The following SAMMSON variants were observed in gnomAD, a reference collection of about 807,000 sequenced individuals.
SAMMSON encodes long intergenic non-protein coding RNA 1212.
At chr3:70,042,672 T>G (rs913509915) in intron 3 of SAMMSON, among the ~76,000 whole-genome samples, 17 of 152,020 alleles carry the variant, frequency 1.1e-4, no homozygotes, top group Non-Finnish European at 2.9e-5. Flanking sequence ...CCTGTTTTGC[T>G]GCTTGTGAAG....
At chr3:70,193,752 TTTAC>T (rs1701149578) in intron 4 of SAMMSON, among the ~76,000 whole-genome samples, 1 of 152,190 alleles carries the variant, frequency 6.6e-6, no homozygotes, top group African/African-American at 2.4e-5. Context: ...GTCAAACAAC[TTTAC>T]TTAAGTTTAC....
intron 9 of SAMMSON, among the ~76,000 whole-genome samples, chr3:70,364,917 A>G (rs1702908342): frequency 6.6e-6 from 1 of 151,692 alleles, no homozygotes; most frequent in South Asian, 2.1e-4. Flanking sequence ...TCTACTATAA[A>G]TCCCGCATCT....
chr3:70,272,244 T>G (rs1232652249), intron 6 of SAMMSON: 1 of 152,198 alleles, frequency 6.6e-6, no homozygotes, highest in African/African-American at 2.4e-5. Flanking sequence ...GAAAAATATT[T>G]CTATCTCCCC....
intron 6 of SAMMSON, among the ~76,000 whole-genome samples, chr3:70,270,850 C>A (rs1323232538): frequency 1.3e-5 from 2 of 151,910 alleles, no homozygotes; most frequent in South Asian, 2.1e-4. Context: ...CACATGGACA[C>A]AGGGAGGGGA....
At chr3:70,377,861 A>G (rs1289432961) in intron 9 of SAMMSON, among the ~76,000 whole-genome samples, 1 of 152,040 alleles carries the variant, frequency 6.6e-6, no homozygotes, top group Non-Finnish European at 1.5e-5. Context: ...CAAAAGGCTA[A>G]TAAACACATG....
intron 1 of SAMMSON, among the ~76,000 whole-genome samples, chr3:70,000,925 T>A (rs1158471249): frequency 1.3e-5 from 2 of 152,190 alleles, no homozygotes; most frequent in South Asian, 2.1e-4. Flanking sequence ...AACCCTTGAC[T>A]ATTTATCTTG....
chr3:70,045,586 T>G (rs182585440), intron 3 of SAMMSON, among the ~76,000 whole-genome samples: 2 of 152,136 alleles, frequency 1.3e-5, no homozygotes, highest in Admixed American at 1.3e-4. Context: ...ATATATTTGC[T>G]TCTTCCGCCC....
rs536568811 is a variant in SAMMSON, at chr3:70,030,470, C to G, written n.417+16798C>G. The G allele has an allele frequency of 7.2e-5, 11 of 152,288 alleles. No individual in the cohort carries two copies. The East Asian group carries it at 2.1e-3, about 29-fold the overall frequency. The allele number at this position is 152,288 out of a possible 1,614,324, so 9.4% of individuals were successfully genotyped here. ...AGCTAATATTTTCAAAAGATAACTA[C>G]AGCTGTTGAGTCCTGACCATATGCC... On this transcript the variant is annotated intron_variant and non_coding_transcript_variant, in intron 3 of 9. Coordinates refer to ENST00000642114, the Ensembl canonical transcript of SAMMSON.
chr3:70,048,561 A>G (rs2067135371), intron 3 of SAMMSON, among the ~76,000 whole-genome samples: 2 of 152,210 alleles, frequency 1.3e-5, no homozygotes, highest in African/African-American at 2.4e-5. Context: ...CCAAATATCA[A>G]TATAAACTTT....
intron 6 of SAMMSON, among the ~76,000 whole-genome samples, chr3:70,268,466 C>G (rs13314577): frequency 2.6e-5 from 3 of 114,060 alleles, no homozygotes; most frequent in Non-Finnish European, 5.3e-5. Flanking sequence ...CAGAGCGAGA[C>G]TCCGTCTCAA....
intron 6 of SAMMSON, among the ~76,000 whole-genome samples, chr3:70,270,826 T>G (rs139485744): frequency 6.6e-6 from 1 of 151,462 alleles, no homozygotes; most frequent in Non-Finnish European, 1.5e-5. Context: ...TAAGTGGGAG[T>G]TGAGCAATTA....
At chr3:70,279,872 A>G (rs919962325) in intron 6 of SAMMSON, among the ~76,000 whole-genome samples, 3 of 152,160 alleles carry the variant, frequency 2.0e-5, no homozygotes, top group African/African-American at 7.2e-5. Flanking sequence ...GCTGTGTCAT[A>G]TCCTGGTTCT....
chr3:70,325,204 T>C (rs560701430), intron 7 of SAMMSON, among the ~76,000 whole-genome samples: 2 of 152,254 alleles, frequency 1.3e-5, no homozygotes, highest in East Asian at 1.9e-4. Flanking sequence ...TGGGAAACAT[T>C]ACTGGTATAT....
chr3:70,166,584 C>T (rs2067638190), intron 4 of SAMMSON, among the ~76,000 whole-genome samples: 2 of 151,962 alleles, frequency 1.3e-5, no homozygotes, highest in South Asian at 4.1e-4. Context: ...GACCTTCAGG[C>T]TGCCCAAGAG....
At position 70,327,303 on chromosome 3, in the gene SAMMSON, A is replaced by T. The variant is rs1036529315; in HGVS notation, n.740-26872A>T. 3.3e-5 allele frequency among the ~76,000 whole-genome samples: 5 copies of T among 152,220 alleles called. No homozygotes were observed. The East Asian group carries it at 9.6e-4, about 29-fold the overall frequency. ...AACAAACAAGCATACAAACAAACAT[A>T]TAATCCACAGTAATTAGACATTAGA... On this transcript the variant is annotated intron_variant and non_coding_transcript_variant, in intron 7 of 9. Coordinates refer to ENST00000642114, the Ensembl canonical transcript of SAMMSON.
chr3:70,222,375 A>C (rs1354784378), intron 4 of SAMMSON, among the ~76,000 whole-genome samples: 1 of 152,154 alleles, frequency 6.6e-6, no homozygotes, highest in Non-Finnish European at 1.5e-5. Context: ...TGGCATTTTT[A>C]TTTTTGTCAA....
At chr3:70,343,261 C>A (rs999239997) in intron 7 of SAMMSON, among the ~76,000 whole-genome samples, 7 of 151,974 alleles carry the variant, frequency 4.6e-5, no homozygotes, top group Admixed American at 4.6e-4. Context: ...ATACTTTATT[C>A]ATGTTTCATA....
chr3:70,323,241 T>C (rs1434952390), intron 7 of SAMMSON, among the ~76,000 whole-genome samples: 4 of 152,134 alleles, frequency 2.6e-5, no homozygotes, highest in African/African-American at 9.7e-5. Context: ...ATAAAATTAA[T>C]CCGAGATTTT....
intron 4 of SAMMSON, among the ~76,000 whole-genome samples, chr3:70,192,216 A>G (rs1701135987): frequency 6.6e-6 from 1 of 152,218 alleles, no homozygotes; most frequent in African/African-American, 2.4e-5. Flanking sequence ...CGGAGAGAAG[A>G]AAATACTCCT....
Sources: allele counts gnomAD v4.1 joint callset (sites outside exome capture counted in the v4.1 genomes callset), GRCh38; gene constraint gnomAD v4.1.1; transcripts MANE v1.5; gene names NCBI Gene and HGNC (gene_info 2026-07-23, HGNC 2026-07-21).